The following ABLIM3 variants were observed in gnomAD, a reference collection of about 807,000 sequenced individuals.
The protein encoded by ABLIM3 is actin-binding LIM protein 3.
A neutral mutation model predicts 109.5 loss-of-function variants in ABLIM3; 61 were observed. The ratio of observed to expected loss-of-function variants is 0.56; its 90% confidence interval spans 0.45 to 0.69. The LOEUF is 0.69. Ranked by LOEUF, ABLIM3 falls within the 30% of genes least tolerant of loss-of-function variation. ABLIM3 has a pLI of 0.00. For synonymous variants in ABLIM3, 300 were observed against 324.8 expected (o/e 0.92, Z 0.82); for missense variants, 796 against 889.5 (o/e 0.89, Z 1.34).
At chr5:149,196,401 G>T (rs965268639) in intron 3 of ABLIM3, among the ~76,000 whole-genome samples, 1 of 152,182 alleles carries the variant, frequency 6.6e-6, no homozygotes, top group Non-Finnish European at 1.5e-5. Context: ...CTATCTTATT[G>T]GTTTTCCCAT....
intron 2 of ABLIM3, among the ~76,000 whole-genome samples, chr5:149,182,580 AG>A (rs1377083539): frequency 2.0e-5 from 3 of 152,336 alleles, no homozygotes; most frequent in Non-Finnish European, 4.4e-5. Context: ...AGAATAGCCA[AG>A]CCAAGTGTAT....
intron 7 of ABLIM3, among the ~76,000 whole-genome samples, chr5:149,214,773 A>G (rs1222953481): frequency 5.3e-5 from 8 of 152,150 alleles, no homozygotes; most frequent in Non-Finnish European, 1.2e-4. Context: ...GACAGAGCTC[A>G]ATGGCTGTCA....
At chr5:149,216,906 A>T (rs761470675) in intron 7 of ABLIM3, 53 bp from the exon 8 acceptor site, 1 of 1,507,638 alleles carries the variant, frequency 6.6e-7, no homozygotes, top group Non-Finnish European at 9.2e-7. Context: ...AATCTGCCCC[A>T]CTAGACAGCA....
intron 5 of ABLIM3, among the ~76,000 whole-genome samples, chr5:149,200,980 G>A (rs950361668): frequency 8.5e-5 from 13 of 152,158 alleles, no homozygotes; most frequent in Admixed American, 1.3e-4. Context: ...AACATTCCCA[G>A]TAAGCTTCCT....
intron 3 of ABLIM3, among the ~76,000 whole-genome samples, chr5:149,196,566 G>A (rs973577690): frequency 2.0e-5 from 3 of 152,238 alleles, no homozygotes; most frequent in African/African-American, 7.2e-5. Flanking sequence ...CCTCTCAGAG[G>A]CAATCTAGGT....
At position 149,251,432 on chromosome 5, in the gene ABLIM3, C is replaced by T. The variant is rs181585514; in HGVS notation, c.1849+13C>T. ...TGGGGCATGCGAGGTGAGTGCAGGCCTGCAGGGGGTCTGCAGGGAGAGTGC... is the reference window on the plus strand; with the variant it reads ...TGGGGCATGCGAGGTGAGTGCAGGCTTGCAGGGGGTCTGCAGGGAGAGTGC... On this transcript the variant is annotated intron_variant, in intron 21 of 23. Transcript: ENST00000309868. The T allele has an allele frequency of 6.8e-6, 11 of 1,613,730 alleles. No individual in the cohort carries two copies. The highest frequency in any genetic ancestry group is 1.6e-4 in the Middle Eastern group (1 of 6,062).
At chr5:149,243,013 G>C (rs1040541823) in intron 15 of ABLIM3, among the ~76,000 whole-genome samples, 1 of 152,216 alleles carries the variant, frequency 6.6e-6, no homozygotes, top group Non-Finnish European at 1.5e-5. Context: ...GCTGTAAGTT[G>C]TTCTCAGTCA....
At chr5:149,212,989 G>A (rs1759707575) in intron 7 of ABLIM3, among the ~76,000 whole-genome samples, 1 of 152,140 alleles carries the variant, frequency 6.6e-6, no homozygotes, top group African/African-American at 2.4e-5. Context: ...AGCCAGGCAT[G>A]GTGGTGCACG....
At chr5:149,252,474 C>T (rs1361872601) in intron 22 of ABLIM3, 4 of 552,310 alleles carry the variant, frequency 7.2e-6, no homozygotes, top group African/African-American at 5.7e-5. Flanking sequence ...ATATTAGACA[C>T]TTACATTCGG....
chr5:149,245,573 G>GAGTGGCATGATCACATTGAAAGT (rs561997812), intron 16 of ABLIM3, among the ~76,000 whole-genome samples: 2 of 147,552 alleles, frequency 1.4e-5, no homozygotes, highest in Non-Finnish European at 1.5e-5. Context: ...CCTAAACAGT[G>GAGTGGCATGATCACATTGAAAGT]AGTGGCATGA....
intron 5 of ABLIM3, chr5:149,200,722 C>T (rs10463418): frequency 0.35 from 143,033 of 414,406 alleles, 25,702 homozygotes; most frequent in East Asian, 0.52. Context: ...GTCCCATGGA[C>T]GCCTCAATAG....
chr5:149,231,458 G>A (rs908393988), intron 9 of ABLIM3, among the ~76,000 whole-genome samples: 34 of 152,126 alleles, frequency 2.2e-4, no homozygotes, highest in African/African-American at 6.8e-4. Context: ...CCTGGCCCCC[G>A]GATATCAAGT....
intron 12 of ABLIM3, 129 bp from the exon 13 acceptor site, chr5:149,239,630 G>A: frequency 7.7e-7 from 1 of 1,302,988 alleles, no homozygotes; most frequent in African/African-American, 1.5e-5. Flanking sequence ...GGGAGGAGGG[G>A]GGTCTCTGTA....
intron 2 of ABLIM3, among the ~76,000 whole-genome samples, chr5:149,151,265 C>T (rs965782096): frequency 1.3e-5 from 2 of 152,192 alleles, no homozygotes; most frequent in Non-Finnish European, 2.9e-5. Context: ...TTCCCCCTTC[C>T]ACAGGGACAC....
intron 5 of ABLIM3, among the ~76,000 whole-genome samples, chr5:149,202,294 A>G (rs113001217): frequency 1.8e-3 from 275 of 152,322 alleles, no homozygotes; most frequent in African/African-American, 6.2e-3. Context: ...AGGTGGAAGA[A>G]GGTGAGGAAA....
At chr5:149,248,328 T>C (rs1174162130) in intron 18 of ABLIM3, among the ~76,000 whole-genome samples, 1 of 152,176 alleles carries the variant, frequency 6.6e-6, no homozygotes, top group African/African-American at 2.4e-5. Flanking sequence ...AAGACCATGC[T>C]GCCCTGAGCA....
At chr5:149,206,964 A>T in intron 5 of ABLIM3, 44 bp from the exon 6 acceptor site, 12 of 1,589,348 alleles carry the variant, frequency 7.6e-6, no homozygotes, top group Non-Finnish European at 1.0e-5. Context: ...CGGGGGTTAA[A>T]GGGCCCAGGG....
intron 3 of ABLIM3, among the ~76,000 whole-genome samples, chr5:149,192,624 CA>C (rs1248511036): frequency 1.2e-3 from 61 of 50,202 alleles, no homozygotes; most frequent in African/African-American, 2.0e-3. Context: ...GACTCCGTCT[CA>C]AAAAAAAAAA....
At chr5:149,151,310 C>T (rs967595532) in intron 2 of ABLIM3, among the ~76,000 whole-genome samples, 1 of 152,220 alleles carries the variant, frequency 6.6e-6, no homozygotes, top group Non-Finnish European at 1.5e-5. Context: ...CTAATGATTT[C>T]ATTTTAACTT....
Sources: gnomAD v4.1 joint callset for allele counts (sites outside exome capture counted in the v4.1 genomes callset) on GRCh38, gnomAD v4.1.1 for gene constraint, MANE v1.5 for transcripts, NCBI Gene and HGNC (gene_info 2026-07-23, HGNC 2026-07-21) for gene names.